PRCC: variants seen among roughly 807,000 people sequenced by gnomAD.
The protein encoded by PRCC is proline rich mitotic checkpoint control factor.
In PRCC, 10 loss-of-function variants were observed where a neutral mutation model predicts 44.0. The ratio of observed to expected loss-of-function variants is 0.23; its 90% CI spans 0.14 to 0.39. The LOEUF (loss-of-function observed/expected upper bound fraction) is 0.39, where lower values mean the gene tolerates loss of function less well. Among genes scored for constraint, PRCC ranks in the 10% least tolerant of loss-of-function variants. PRCC has a pLI of 1.00. For synonymous variants in PRCC, 278 were observed against 259.5 expected (o/e 1.07, Z -0.69); for missense variants, 573 against 624.7 (o/e 0.92, Z 0.88).
rs1423763386 is a variant in PRCC, at chr1:156,768,158, C to G, written c.387C>G (p.Ala129=). ...ATCTGCCCCCTCCAATTGGCGGTGCCGGTCCCCCGCTGGGGCTTCCCAAGC... is the reference window on the plus strand; with the variant it reads ...ATCTGCCCCCTCCAATTGGCGGTGCGGGTCCCCCGCTGGGGCTTCCCAAGC... ...GLNLPPPIGG[A]GPPLGLPKPK... The change falls in exon 1 of 7, where the codon GCC becomes GCG. Residue 129 remains alanine, a synonymous_variant. Coordinates refer to ENST00000271526, the MANE Select transcript of PRCC (RefSeq NM_005973.5). 1 of 1,555,870 alleles carries G rather than the reference C, an allele frequency of 6.4e-7. No homozygotes were observed. Among genetic ancestry groups the G allele is most frequent in the South Asian group, 1.2e-5 (1 of 84,752 alleles).
Position 156,768,177 on chromosome 1 carries a change from C to T in PRCC, c.406C>T (p.Pro136Ser), listed in dbSNP as rs11264542. Residue 136 changes from proline to serine, a missense_variant, in exon 1 of 7, where the codon CCC (proline) becomes TCC (serine). Coordinates refer to ENST00000271526, the MANE Select transcript of PRCC (RefSeq NM_005973.5). ...IGGAGPPLGL[P>S]KPKKRKEPVK... The stretch of plus-strand genomic sequence containing the variant: ...CGGTGCCGGTCCCCCGCTGGGGCTT[C>T]CCAAGCCAAAGAAGAGGAAAGAGCC... 305,087 of 1,551,488 alleles carry T rather than the reference C, an allele frequency of 0.2. 31,545 individuals are homozygous for T. Among genetic ancestry groups the T allele is most frequent in the Admixed American group, 0.24 (12,552 of 51,260 alleles).
At chr1:156,770,939 G>A (rs1409261197) in intron 1 of PRCC, among the ~76,000 whole-genome samples, 3 of 152,216 alleles carry the variant, frequency 2.0e-5, no homozygotes, top group East Asian at 3.8e-4. Context: ...GCCCCAGCCC[G>A]AAAGGAGCTT....
At chr1:156,785,233 C>T (rs766203302) in intron 2 of PRCC, among the ~76,000 whole-genome samples, 2 of 152,022 alleles carry the variant, frequency 1.3e-5, no homozygotes, top group Non-Finnish European at 2.9e-5. Flanking sequence ...ACCCTTAGGC[C>T]GGGCGCTGTG....
At chr1:156,783,909 G>A (rs1652139446) in intron 2 of PRCC, among the ~76,000 whole-genome samples, 1 of 151,916 alleles carries the variant, frequency 6.6e-6, no homozygotes, top group African/African-American at 2.4e-5. Flanking sequence ...AAGTTAGAAA[G>A]ATAACTGGCA....
At chr1:156,768,418 G>A (rs1651501142) in intron 1 of PRCC, among the ~76,000 whole-genome samples, 179 bp downstream of exon 1, 1 of 152,222 alleles carries the variant, frequency 6.6e-6, no homozygotes, top group Admixed American at 6.5e-5. Flanking sequence ...GAGTTTGGGT[G>A]TTTGCCCATG....
At chr1:156,770,477 C>T (rs1331886348) in intron 1 of PRCC, among the ~76,000 whole-genome samples, 3 of 152,252 alleles carry the variant, frequency 2.0e-5, no homozygotes, top group Non-Finnish European at 4.4e-5. Flanking sequence ...AGGGTTCAAG[C>T]GATTCTCCTG....
intron 1 of PRCC, among the ~76,000 whole-genome samples, chr1:156,770,659 G>A (rs1651600886): frequency 6.6e-6 from 1 of 152,250 alleles, no homozygotes; most frequent in Admixed American, 6.5e-5. Flanking sequence ...ACAGGTGTGA[G>A]CCACCACGCC....
intron 2 of PRCC, among the ~76,000 whole-genome samples, chr1:156,785,820 T>TC (rs939302409): frequency 2.0e-5 from 3 of 150,078 alleles, no homozygotes; most frequent in African/African-American, 7.3e-5. Context: ...AGGGACTTTT[T>TC]TTTTTTTTTG....
intron 1 of PRCC, among the ~76,000 whole-genome samples, chr1:156,775,140 C>G (rs1269557144): frequency 6.7e-6 from 1 of 150,052 alleles, no homozygotes; most frequent in Middle Eastern, 3.5e-3. Context: ...CCCAGCTACT[C>G]GGGAGGCTGA....
chr1:156,790,182 T>C (rs1652425032), intron 3 of PRCC, among the ~76,000 whole-genome samples: 1 of 152,256 alleles, frequency 6.6e-6, no homozygotes. Context: ...TGGGCATGAG[T>C]GAAGAGAGAG....
intron 1 of PRCC, among the ~76,000 whole-genome samples, chr1:156,778,432 T>C (rs2102757861): frequency 6.6e-6 from 1 of 152,312 alleles, no homozygotes; most frequent in South Asian, 2.1e-4. Context: ...CATTCATCTG[T>C]TGATGGACAC....
intron 6 of PRCC, among the ~76,000 whole-genome samples, chr1:156,798,337 C>T (rs908894393): frequency 6.6e-6 from 1 of 151,322 alleles, no homozygotes; most frequent in African/African-American, 2.4e-5. Context: ...GACAGAGTCT[C>T]GCTCTGTTGC....
At chr1:156,791,535 C>G in intron 3 of PRCC, 162 bp from the exon 4 acceptor site, 1 of 626,358 alleles carries the variant, frequency 1.6e-6, no homozygotes, top group South Asian at 2.1e-5. Flanking sequence ...GTAGGTCGGT[C>G]CTTGGGATCT....
intron 3 of PRCC, chr1:156,791,358 G>T (rs1652467021): frequency 6.3e-6 from 3 of 474,092 alleles, no homozygotes; most frequent in African/African-American, 3.9e-5. Flanking sequence ...AGGGCTGAGG[G>T]CATGGTAGAG....
chr1:156,795,488 C>T (rs1452784683), intron 5 of PRCC, among the ~76,000 whole-genome samples: 5 of 151,880 alleles, frequency 3.3e-5, no homozygotes, highest in Admixed American at 6.6e-5. Flanking sequence ...CTATATTGTC[C>T]GGGCTGGTCT....
At chr1:156,781,455 G>A (rs549415480) in intron 1 of PRCC, among the ~76,000 whole-genome samples, 39 of 152,206 alleles carry the variant, frequency 2.6e-4, no homozygotes, top group Admixed American at 2.6e-3. Context: ...CAAATGGAAA[G>A]CTTTAAGGTT....
At position 156,791,652 on chromosome 1, in the gene PRCC, A is replaced by C. The variant is rs780285856; in HGVS notation, c.1084-45A>C. On this transcript the variant is annotated intron_variant, in intron 3 of 6. Coordinates refer to ENST00000271526, the MANE Select transcript of PRCC (RefSeq NM_005973.5). ...GACAGACCTTACCTTCCCCTCTCCA[A>C]CTGTGCCCTCAGTTGGTGTGTTTTT... 19 of 1,564,690 alleles carry C rather than the reference A, an allele frequency of 1.2e-5. No individual in the cohort carries two copies. The Admixed American group carries it at 3.1e-4, about 26-fold the overall frequency.
At chr1:156,783,606 C>T (rs752725779) in intron 2 of PRCC, among the ~76,000 whole-genome samples, 13 of 152,018 alleles carry the variant, frequency 8.6e-5, no homozygotes, top group Non-Finnish European at 1.5e-4. Flanking sequence ...ATTAGCCAGG[C>T]GTGGTGACAG....
intron 1 of PRCC, among the ~76,000 whole-genome samples, chr1:156,776,444 G>C (rs1651830498): frequency 6.7e-6 from 1 of 149,246 alleles, no homozygotes. Flanking sequence ...AGAAATAATA[G>C]ACTGTTCCGA....
Sources: allele counts gnomAD v4.1 joint callset (sites outside exome capture counted in the v4.1 genomes callset), GRCh38; gene constraint gnomAD v4.1.1; transcripts MANE v1.5; gene names NCBI Gene and HGNC (gene_info 2026-07-23, HGNC 2026-07-21).